Variants in JAKMIP1 observed in about 807,000 individuals in gnomAD.
JAKMIP1 encodes janus kinase and microtubule-interacting protein 1.
A neutral mutation model predicts 113.0 loss-of-function variants in JAKMIP1; 33 were observed. The observed-to-expected ratio is 0.29, with a 90% confidence interval of 0.22 to 0.39. The LOEUF is 0.39. Among genes scored for constraint, JAKMIP1 ranks in the 10% least tolerant of loss-of-function variants. The pLI is 1.00. For synonymous variants in JAKMIP1, 480 were observed against 459.9 expected, an observed-to-expected ratio of 1.04 and a Z score of -0.56; for missense variants, 813 against 1,080.5, an observed-to-expected ratio of 0.75 and a Z score of 3.47.
intron 1 of JAKMIP1, among the ~76,000 whole-genome samples, chr4:6,196,048 A>T (rs1727790457): frequency 6.6e-6 from 1 of 152,202 alleles, no homozygotes; most frequent in Non-Finnish European, 1.5e-5. Context: ...AAGGCATAAC[A>T]CTTCGGGTTG....
At chr4:6,122,157 C>T (rs975674820) in intron 1 of JAKMIP1, among the ~76,000 whole-genome samples, 2 of 152,056 alleles carry the variant, frequency 1.3e-5, no homozygotes, top group East Asian at 3.9e-4. Flanking sequence ...CCAGCCTGGT[C>T]AAGATAGTGA....
chr4:6,095,163 G>A (rs1399129978), intron 3 of JAKMIP1, among the ~76,000 whole-genome samples: 1 of 147,264 alleles, frequency 6.8e-6, no homozygotes, highest in Non-Finnish European at 1.5e-5. Flanking sequence ...AGCAAAGGAA[G>A]GAAGAAGGGA....
At chr4:6,036,695 C>T (rs1713491390) in intron 18 of JAKMIP1, among the ~76,000 whole-genome samples, 1 of 152,224 alleles carries the variant, frequency 6.6e-6, no homozygotes, top group South Asian at 2.1e-4. Flanking sequence ...GAGTTGTCAT[C>T]ATTACAGGAT....
At position 6,044,962 on chromosome 4, in the gene JAKMIP1, T is replaced by C. The variant is rs1249729305; in HGVS notation, c.2029-2735A>G. Among the ~76,000 whole-genome samples the C allele has an allele frequency of 6.6e-6, 1 of 152,168 alleles. No individual in the cohort carries two copies. Among genetic ancestry groups the C allele is most frequent in the African/African-American group, 2.4e-5 (1 of 41,446 alleles). On this transcript the variant is annotated intron_variant, in intron 16 of 20. Coordinates refer to ENST00000409021, the MANE Select transcript of JAKMIP1 (RefSeq NM_001099433.2). The surrounding 1 kb of genome is among the most constrained non-coding windows in gnomAD (Gnocchi z 4.4). ...GGCTGGGGAGGAGAAGTGAGTCCAC[T>C]CACAGGGAGGTGCTGATGAACTGAG...
At chr4:6,098,627 G>GAA (rs1560180435) in intron 3 of JAKMIP1, among the ~76,000 whole-genome samples, 1 of 137,004 alleles carries the variant, frequency 7.3e-6, no homozygotes, top group Non-Finnish European at 1.6e-5. Context: ...AAAAGAAAAA[G>GAA]AAAGAAAGAA....
chr4:6,183,506 A>AAATAAATAAATAAATAAATAAATTAATT lies in JAKMIP1; in HGVS notation c.-148+16746_-148+16747insAATTAATTTATTTATTTATTTATTTATT, dbSNP rs1239214147. On this transcript the variant is annotated intron_variant, in intron 1 of 20. Coordinates refer to ENST00000409021, the MANE Select transcript of JAKMIP1 (RefSeq NM_001099433.2). The surrounding 1 kb of genome is among the most constrained non-coding windows in gnomAD (Gnocchi z 5.3). ...TAAATAAATAAATAAATAAATAAAT[A>AAATAAATAAATAAATAAATAAATTAATT]AATTTAAAAAAGAAAGTAAAATGGA... Among the ~76,000 whole-genome samples, 1 of 151,172 alleles carries AAATAAATAAATAAATAAATAAATTAATT rather than the reference A, an allele frequency of 6.6e-6. No homozygotes were observed. Among genetic ancestry groups the AAATAAATAAATAAATAAATAAATTAATT allele is most frequent in the East Asian group, 1.9e-4 (1 of 5,180 alleles).
intron 1 of JAKMIP1, among the ~76,000 whole-genome samples, chr4:6,172,232 C>T (rs759397526): frequency 7.9e-5 from 12 of 152,166 alleles, no homozygotes; most frequent in Admixed American, 1.3e-4. Flanking sequence ...CCATGCTGCC[C>T]GAGCACTGGC....
Position 6,078,263 on chromosome 4 carries a change from C to T in JAKMIP1, c.1302+676G>A, listed in dbSNP as rs535079236. On this transcript the variant is annotated intron_variant, in intron 8 of 20. Transcript: ENST00000409021. The stretch of plus-strand genomic sequence containing the variant: ...CTGGGTGGTGGAGTTTGCAGTGAGC[C>T]GAGATGGTGTCACTGCACTCCAGCC... Among the ~76,000 whole-genome samples, 14 of 149,098 alleles carry T rather than the reference C, an allele frequency of 9.4e-5. No homozygotes were observed. The South Asian group carries it at 3.0e-3, about 32-fold the overall frequency.
In JAKMIP1 at chr4:6,064,685, G is replaced by A. The variant is rs560799554; in HGVS notation, c.1431+195C>T. ...GGTCCCCACGTGCTGCCCTCCCATC[G>A]CCATTCATGGAGCCCACAGCTGTGG... On this transcript the variant is annotated intron_variant, in intron 9 of 20. Transcript: ENST00000409021. The surrounding 1 kb of genome is among the most constrained non-coding windows in gnomAD (Gnocchi z 4.3). Among the ~76,000 whole-genome samples the A allele has an allele frequency of 5.9e-5, 9 of 152,034 alleles. No homozygotes were observed. The highest frequency in any genetic ancestry group is 8.8e-5 in the Non-Finnish European group (6 of 68,012).
chr4:6,175,445 CA>C (rs1725240282), intron 1 of JAKMIP1, among the ~76,000 whole-genome samples: 1 of 152,166 alleles, frequency 6.6e-6, no homozygotes, highest in Admixed American at 6.5e-5. Context: ...TTTCTTTTTG[CA>C]ACACTTTCAA....
intron 3 of JAKMIP1, among the ~76,000 whole-genome samples, chr4:6,103,272 G>A (rs1379795917): frequency 3.4e-4 from 51 of 152,008 alleles, no homozygotes; most frequent in Non-Finnish European, 2.9e-5. Flanking sequence ...GACTGACCAC[G>A]TTTTTCTTTT....
At chr4:6,148,042 T>C (rs1212785719) in intron 1 of JAKMIP1, among the ~76,000 whole-genome samples, 2 of 152,250 alleles carry the variant, frequency 1.3e-5, no homozygotes, top group Non-Finnish European at 2.9e-5. Flanking sequence ...GTCATCTTTG[T>C]GCTCCTAGGA....
At chr4:6,052,208 A>T (rs563977443) in intron 13 of JAKMIP1, among the ~76,000 whole-genome samples, 33 of 129,364 alleles carry the variant, frequency 2.6e-4, no homozygotes, top group East Asian at 1.9e-3. Context: ...GCCAAAATTT[A>T]AAAAAATAAA....
intron 1 of JAKMIP1, among the ~76,000 whole-genome samples, chr4:6,126,143 A>G (rs1023090094): frequency 1.5e-4 from 21 of 140,476 alleles, no homozygotes; most frequent in African/African-American, 6.4e-4. Flanking sequence ...AAACACAAAC[A>G]CACACCATGC....
intron 20 of JAKMIP1, among the ~76,000 whole-genome samples, chr4:6,028,060 C>T (rs1018011166): frequency 6.6e-6 from 1 of 152,202 alleles, no homozygotes; most frequent in East Asian, 1.9e-4. Context: ...CCTAGCAGCA[C>T]ATGAGAACAC....
At chr4:6,070,299 C>T (rs1718774584) in intron 8 of JAKMIP1, 1 of 390,006 alleles carries the variant, frequency 2.6e-6, no homozygotes, top group Admixed American at 4.5e-5. Flanking sequence ...CCCCTTTCCT[C>T]TAACACACCC....
Position 6,105,707 on chromosome 4 carries a change from C to A in JAKMIP1, c.390G>T (p.Thr130=), listed in dbSNP as rs982443762. The A allele has an allele frequency of 6.2e-7, 1 of 1,602,428 alleles. No homozygotes were observed. Among genetic ancestry groups the A allele is most frequent in the Admixed American group, 1.7e-5 (1 of 59,520 alleles). ...LRDGAADKVK[T]ALLTEAREEA... is the part of the protein sequence containing the mutation. ...CCTCGCGCGCCTCGGTCAGCAGCGC[C>A]GTCTTGACCTTGTCGGCCGCGCCGT... The change falls in exon 3 of 21, where the codon ACG becomes ACT. Residue 130 remains threonine (T), a synonymous_variant. Coordinates refer to ENST00000409021, the MANE Select transcript of JAKMIP1 (RefSeq NM_001099433.2).
intron 1 of JAKMIP1, among the ~76,000 whole-genome samples, chr4:6,115,812 G>A (rs1715659038): frequency 1.3e-5 from 2 of 152,214 alleles, no homozygotes; most frequent in Non-Finnish European, 1.5e-5. Context: ...ATCCACAGGA[G>A]CAGCCCACCG....
rs1717192395 is a variant in JAKMIP1, at chr4:6,061,015, CA to C, written c.1561-509del. Reference sequence around the variant, plus strand: ...AGAAAGTCATATAAATAAGGGAAGTCAACTGGGTGTGGGGTAACAGGGAGTG... The same window carrying C: ...AGAAAGTCATATAAATAAGGGAAGTCACTGGGTGTGGGGTAACAGGGAGTG... On this transcript the variant is annotated intron_variant, in intron 10 of 20. Transcript: ENST00000409021. The surrounding 1 kb of genome is among the most constrained non-coding windows in gnomAD (Gnocchi z 5.3). 6.6e-6 allele frequency among the ~76,000 whole-genome samples: 1 copy of C among 152,188 alleles called. No homozygotes were observed.
Sources: allele counts gnomAD v4.1 joint callset (sites outside exome capture counted in the v4.1 genomes callset), GRCh38; gene constraint gnomAD v4.1.1; non-coding constraint Gnocchi (gnomAD v3.1); transcripts MANE v1.5; gene names NCBI Gene and HGNC (gene_info 2026-07-23, HGNC 2026-07-21).